The following PKIB variants were observed in gnomAD, a reference collection of about 807,000 sequenced individuals.
PKIB encodes cAMP-dependent protein kinase inhibitor beta.
PKIB carries 2 observed loss-of-function variants against 4.5 expected under a neutral mutation model. The ratio of observed to expected loss-of-function variants is 0.44; its 90% CI spans 0.18 to 1.39. PKIB has a LOEUF of 1.39. PKIB is among the 40% of genes most tolerant of loss of function. The pLI is 0.27. For missense variants in PKIB, 94 were observed against 92.6 expected (o/e 1.02, Z -0.06); for synonymous variants, 38 against 36.0 (o/e 1.06, Z -0.20).
intron 2 of PKIB, among the ~76,000 whole-genome samples, chr6:122,573,485 G>T (rs1375866180): frequency 7.1e-6 from 1 of 141,350 alleles, no homozygotes; most frequent in Non-Finnish European, 1.5e-5. Flanking sequence ...TTGTGCCACT[G>T]TCCTCCAGCC....
chr6:122,630,275 C>T (rs1033089858), intron 1 of PKIB, among the ~76,000 whole-genome samples: 2 of 152,040 alleles, frequency 1.3e-5, no homozygotes, highest in Admixed American at 1.3e-4. Flanking sequence ...GTGAAAGTAA[C>T]TCAAGTGTCC....
intron 2 of PKIB, among the ~76,000 whole-genome samples, chr6:122,559,530 T>G (rs1438907744): frequency 6.6e-6 from 1 of 151,784 alleles, no homozygotes; most frequent in Non-Finnish European, 1.5e-5. Flanking sequence ...TGTGGGCTCT[T>G]TTTTGTTCCC....
intron 2 of PKIB, among the ~76,000 whole-genome samples, chr6:122,669,628 A>T (rs933227377): frequency 6.6e-6 from 1 of 151,722 alleles, no homozygotes; most frequent in Non-Finnish European, 1.5e-5. Context: ...CTATTTTCAA[A>T]TTTTTCCTTT....
Position 122,507,763 on chromosome 6 carries a change from A to G in PKIB, c.-248+29824A>G, listed in dbSNP as rs938297210. Among the ~76,000 whole-genome samples, 4 of 152,026 alleles carry G rather than the reference A, an allele frequency of 2.6e-5. No homozygotes were observed. The East Asian group carries it at 7.7e-4, about 29-fold the overall frequency. ...GTTGTTTTTTTTCTGGGGAAATACA[A>G]ACAAACCCTCTTTCCCGTGTAATAA... On this transcript the variant is annotated intron_variant, in intron 2 of 6. Transcript: ENST00000392491.
intron 1 of PKIB, among the ~76,000 whole-genome samples, chr6:122,617,457 A>T (rs1219657090): frequency 1.2e-4 from 18 of 152,148 alleles, no homozygotes; most frequent in Non-Finnish European, 7.4e-5. Context: ...AACTCTGAGA[A>T]ATTCATATTT....
chr6:122,674,238 CTA>C (rs1417405188), intron 2 of PKIB, among the ~76,000 whole-genome samples: 2 of 152,130 alleles, frequency 1.3e-5, no homozygotes, highest in African/African-American at 2.4e-5. Flanking sequence ...ATGATCATGA[CTA>C]TATTTACTTT....
intron 3 of PKIB, among the ~76,000 whole-genome samples, chr6:122,598,503 G>T (rs1299019237): frequency 1.3e-5 from 2 of 152,184 alleles, no homozygotes; most frequent in East Asian, 3.9e-4. Flanking sequence ...AGTGACTGCG[G>T]TTCCCACCAT....
intron 2 of PKIB, among the ~76,000 whole-genome samples, chr6:122,556,097 TG>T (rs1240581177): frequency 1.7e-4 from 26 of 152,300 alleles, no homozygotes; most frequent in African/African-American, 6.0e-4. Context: ...GATTAGATGA[TG>T]GGGCAGTTCC....
intron 2 of PKIB, among the ~76,000 whole-genome samples, chr6:122,640,624 G>A (rs757060587): frequency 4.6e-5 from 7 of 152,120 alleles, no homozygotes; most frequent in African/African-American, 7.2e-5. Context: ...CAATCATGTC[G>A]TTGGTATCAA....
At chr6:122,591,195 G>A (rs1356393844) in intron 3 of PKIB, among the ~76,000 whole-genome samples, 3 of 149,962 alleles carry the variant, frequency 2.0e-5, no homozygotes, top group African/African-American at 7.4e-5. Flanking sequence ...CCTATCTCTC[G>A]ACACACACAC....
At chr6:122,665,628 G>A (rs2114927637) in intron 2 of PKIB, among the ~76,000 whole-genome samples, 1 of 152,132 alleles carries the variant, frequency 6.6e-6, no homozygotes, top group East Asian at 1.9e-4. Context: ...AATTCACACA[G>A]TGTTAGTTTT....
intron 2 of PKIB, among the ~76,000 whole-genome samples, chr6:122,539,832 G>A (rs1179493260): frequency 6.6e-6 from 1 of 152,028 alleles, no homozygotes; most frequent in Non-Finnish European, 1.5e-5. Flanking sequence ...TGGTTCGTAA[G>A]CTATTGATTA....
At chr6:122,528,544 T>C (rs1035254737) in intron 2 of PKIB, among the ~76,000 whole-genome samples, 1 of 152,140 alleles carries the variant, frequency 6.6e-6, no homozygotes, top group Non-Finnish European at 1.5e-5. Flanking sequence ...TCTTGCTGTA[T>C]CCTCACATGA....
intron 3 of PKIB, among the ~76,000 whole-genome samples, chr6:122,702,870 A>G (rs1041623000): frequency 6.6e-6 from 1 of 152,176 alleles, no homozygotes; most frequent in Non-Finnish European, 1.5e-5. Context: ...TCTTAACTGT[A>G]TCATTCATCA....
chr6:122,674,604 A>G (rs1357535830), intron 2 of PKIB, among the ~76,000 whole-genome samples: 1 of 152,214 alleles, frequency 6.6e-6, no homozygotes, highest in African/African-American at 2.4e-5. Flanking sequence ...GGGTACTGGT[A>G]ATATTGGTAC....
chr6:122,658,701 G>A (rs1460434945), intron 2 of PKIB, among the ~76,000 whole-genome samples: 1 of 151,482 alleles, frequency 6.6e-6, no homozygotes, highest in Non-Finnish European at 1.5e-5. Flanking sequence ...AGCCTTGTTT[G>A]TTGGCAAAAG....
Position 122,496,236 on chromosome 6 carries a change from A to G in PKIB, c.-248+18297A>G, listed in dbSNP as rs994914918. Among the ~76,000 whole-genome samples the G allele has an allele frequency of 2.5e-4, 38 of 152,218 alleles. 1 individual carries two copies. Among genetic ancestry groups the G allele is most frequent in the African/African-American group, 9.2e-4 (38 of 41,460 alleles). On this transcript the variant is annotated intron_variant, in intron 2 of 6. Transcript: ENST00000392491. ...ATAAAATCTGAAGTGACAGAAGTGC[A>G]AAGGGCTATAGAAGTAAAGCCAAAA...
chr6:122,593,933 C>T (rs1335510079), intron 3 of PKIB, among the ~76,000 whole-genome samples: 2 of 152,132 alleles, frequency 1.3e-5, no homozygotes, highest in Non-Finnish European at 2.9e-5. Context: ...TTGTATCCTT[C>T]AATGCAATCA....
intron 2 of PKIB, among the ~76,000 whole-genome samples, chr6:122,547,750 C>T (rs1399300162): frequency 2.6e-5 from 4 of 152,218 alleles, no homozygotes; most frequent in African/African-American, 4.8e-5. Context: ...TCACTGGACA[C>T]GAACCATATG....
Sources: allele counts gnomAD v4.1 joint callset (sites outside exome capture counted in the v4.1 genomes callset), GRCh38; gene constraint gnomAD v4.1.1; transcripts MANE v1.5; gene names NCBI Gene and HGNC (gene_info 2026-07-23, HGNC 2026-07-21).